PCDHGB4: variants seen among roughly 807,000 people sequenced by gnomAD.
PCDHGB4 encodes protocadherin gamma-B4.
In PCDHGB4, 38 loss-of-function variants were observed where a neutral mutation model predicts 60.5. The ratio of observed to expected loss-of-function variants is 0.63; its 90% confidence interval spans 0.48 to 0.82. The LOEUF is 0.82. PCDHGB4 is among the 40% of genes least tolerant of loss of function. The pLI is 0.00. For missense variants in PCDHGB4, 1,109 were observed against 1,209.6 expected (o/e 0.92, Z 1.23); for synonymous variants, 456 against 509.7 (o/e 0.89, Z 1.42).
In PCDHGB4 at chr5:141,476,737, G is replaced by A. The variant is rs1420138912; in HGVS notation, c.2398-18070G>A. ...AGCGCGCCCTGGACCGAGAACGGGA[G>A]CCTAGTCTCCAGTTAGTGCTGACGG... is the stretch of plus-strand genomic sequence containing the variant. On this transcript the variant is annotated intron_variant, in intron 1 of 3. Coordinates refer to ENST00000519479, the MANE Select transcript of PCDHGB4 (RefSeq NM_003736.4). This position sits in a 1 kb window ranked among gnomAD's most constrained non-coding sequence, Gnocchi z 7.6. The A allele has an allele frequency of 3.1e-6, 5 of 1,613,982 alleles. No individual in the cohort carries two copies. Among genetic ancestry groups the A allele is most frequent in the Non-Finnish European group, 4.2e-6 (5 of 1,180,038 alleles).
rs2096175268 is a variant in PCDHGB4, at chr5:141,417,870, G to A, written c.2397+27589G>A. On this transcript the variant is annotated intron_variant, in intron 1 of 3. Transcript: ENST00000519479. ...GAACCCGAGCGAACGATGGGAGGGA[G>A]CTGCGCGCAGAGGCGCCGGGCCGGC... 3 of 1,553,910 alleles carry A rather than the reference G, an allele frequency of 1.9e-6. No homozygotes were observed. Among genetic ancestry groups the A allele is most frequent in the Admixed American group, 2.0e-5 (1 of 51,084 alleles).
intron 1 of PCDHGB4, chr5:141,403,336 C>T (rs2094393288): frequency 1.9e-6 from 3 of 1,614,032 alleles, no homozygotes; most frequent in Non-Finnish European, 2.5e-6. Flanking sequence ...ATATTAACGA[C>T]AGCGCCCCAA....
In PCDHGB4 at chr5:141,432,143, C is replaced by G; in HGVS notation, c.2397+41862C>G. 2 of 1,614,084 alleles carry G rather than the reference C, an allele frequency of 1.2e-6. No homozygotes were observed. Among genetic ancestry groups the G allele is most frequent in the Non-Finnish European group, 1.7e-6 (2 of 1,180,006 alleles). Reference sequence around the variant, plus strand: ...TCAGGCCTCCTATTCCGCTTATATCCCAGAGAACAATCCCAGAGGAGTTTC... The same window carrying G: ...TCAGGCCTCCTATTCCGCTTATATCGCAGAGAACAATCCCAGAGGAGTTTC... On this transcript the variant is annotated intron_variant, in intron 1 of 3. Coordinates refer to ENST00000519479, the MANE Select transcript of PCDHGB4 (RefSeq NM_003736.4). This position sits in a 1 kb window ranked among gnomAD's most constrained non-coding sequence, Gnocchi z 6.0.
intron 1 of PCDHGB4, chr5:141,479,290 T>C (rs1045200175): frequency 1.3e-5 from 2 of 152,438 alleles, no homozygotes; most frequent in Non-Finnish European, 2.9e-5. Flanking sequence ...AAAATAAATC[T>C]AGGCAACCCA....
intron 1 of PCDHGB4, chr5:141,416,047 A>T (rs2095986655): frequency 1.6e-5 from 3 of 187,858 alleles, no homozygotes; most frequent in Non-Finnish European, 3.2e-5. Context: ...TGGAAACACA[A>T]CCCAAATCCA....
In PCDHGB4 at chr5:141,476,089, C is replaced by A; in HGVS notation, c.2398-18718C>A. 1 of 1,560,716 alleles carries A rather than the reference C, an allele frequency of 6.4e-7. No individual in the cohort carries two copies. The highest frequency in any genetic ancestry group is 8.6e-7 in the Non-Finnish European group (1 of 1,158,372). On this transcript the variant is annotated intron_variant, in intron 1 of 3. Coordinates refer to ENST00000519479, the MANE Select transcript of PCDHGB4 (RefSeq NM_003736.4). This position sits in a 1 kb window ranked among gnomAD's most constrained non-coding sequence, Gnocchi z 7.6. ...CGAAATCTCAGGGACGATCTGGACC[C>A]CGCTGAGAGGAACTGCTTTTGAGTG...
At position 141,487,425 on chromosome 5, in the gene PCDHGB4, G is replaced by A. The variant is rs116499036; in HGVS notation, c.2398-7382G>A. ...CTTCCCCCTTCCAATGGGATCCTCCGAATCCAGCTAGGGTCAGATGACCCT... is the reference window on the plus strand; with the variant it reads ...CTTCCCCCTTCCAATGGGATCCTCCAAATCCAGCTAGGGTCAGATGACCCT... On this transcript the variant is annotated intron_variant, in intron 1 of 3. Coordinates refer to ENST00000519479, the MANE Select transcript of PCDHGB4 (RefSeq NM_003736.4). This position sits in a 1 kb window ranked among gnomAD's most constrained non-coding sequence, Gnocchi z 5.0. The A allele has an allele frequency of 1.1e-5, 17 of 1,613,988 alleles. No individual in the cohort carries two copies. The highest frequency in any genetic ancestry group is 1.6e-4 in the Middle Eastern group (1 of 6,084).
intron 1 of PCDHGB4, among the ~76,000 whole-genome samples, chr5:141,471,992 C>T (rs2099268578): frequency 6.6e-6 from 1 of 152,070 alleles, no homozygotes; most frequent in Non-Finnish European, 1.5e-5. Flanking sequence ...TATTAAAAAT[C>T]CCTGCATCGT....
intron 1 of PCDHGB4, among the ~76,000 whole-genome samples, chr5:141,468,979 C>T (rs1394344696): frequency 6.7e-6 from 1 of 149,482 alleles, no homozygotes; most frequent in African/African-American, 2.5e-5. Flanking sequence ...CTTTTGACTT[C>T]CAAAATTATT....
intron 1 of PCDHGB4, among the ~76,000 whole-genome samples, chr5:141,462,105 G>A (rs2099031983): frequency 6.6e-6 from 1 of 152,170 alleles, no homozygotes; most frequent in South Asian, 2.1e-4. Flanking sequence ...TTACAGGCAT[G>A]AGCCACTGCA....
At chr5:141,492,954 A>G (rs2099745299) in intron 1 of PCDHGB4, among the ~76,000 whole-genome samples, 1 of 152,212 alleles carries the variant, frequency 6.6e-6, no homozygotes, top group Non-Finnish European at 1.5e-5. Context: ...TGACCAAACT[A>G]TCTGACACTC....
intron 1 of PCDHGB4, chr5:141,398,470 A>G: frequency 6.2e-7 from 1 of 1,604,828 alleles, no homozygotes; most frequent in Non-Finnish European, 8.5e-7. Flanking sequence ...AAATCCACTG[A>G]ACTTTTATCA....
intron 1 of PCDHGB4, among the ~76,000 whole-genome samples, chr5:141,437,716 C>T (rs575174227): frequency 1.2e-4 from 18 of 151,782 alleles, no homozygotes; most frequent in Admixed American, 1.0e-3. Flanking sequence ...CACAGTTACC[C>T]TCTAATGTTA....
intron 1 of PCDHGB4, chr5:141,394,893 G>T: frequency 4.3e-6 from 7 of 1,613,858 alleles, no homozygotes; most frequent in Non-Finnish European, 5.9e-6. Flanking sequence ...ACTCTATCTC[G>T]TGGTGGCAGT....
rs539901154 is a variant in PCDHGB4, at chr5:141,413,036, T to C, written c.2397+22755T>C. 238 of 805,778 alleles carry C rather than the reference T, an allele frequency of 3.0e-4. 1 individual carries two copies. Among genetic ancestry groups the C allele is most frequent in the Non-Finnish European group, 4.2e-4 (226 of 532,568 alleles). 49.9% of individuals were successfully genotyped at this position (805,778 alleles called of 1,614,324 possible). On this transcript the variant is annotated intron_variant, in intron 1 of 3. Transcript: ENST00000519479. ...TACACAAGCCCCACAAACCGGCTGC[T>C]GGGCTGCAGGGAAGCTCACTCCAGA...
Position 141,494,869 on chromosome 5 carries a change from G to A in PCDHGB4, c.2456+4G>A. 6.2e-7 allele frequency: 1 copy of A among 1,614,144 alleles called. No individual in the cohort carries two copies. Among genetic ancestry groups the A allele is most frequent in the Non-Finnish European group, 8.5e-7 (1 of 1,180,010 alleles). On this transcript the variant is annotated splice_donor_region_variant and intron_variant, in intron 2 of 3. Coordinates refer to ENST00000519479, the MANE Select transcript of PCDHGB4 (RefSeq NM_003736.4). The stretch of plus-strand genomic sequence containing the variant: ...CCCAGAGACCCGGCACCAGCGGGTA[G>A]GTGACTGATTCTCCAGCCCACCCTC...
At chr5:141,408,947 ATTAGTC>A in intron 1 of PCDHGB4, 6 of 1,613,666 alleles carry the variant, frequency 3.7e-6, no homozygotes, top group Non-Finnish European at 5.1e-6. Context: ...CGAATATAGA[ATTAGTC>A]TTAGTGAAAA....
intron 1 of PCDHGB4, among the ~76,000 whole-genome samples, chr5:141,454,881 C>G (rs2098805859): frequency 7.4e-6 from 1 of 135,536 alleles, no homozygotes; most frequent in African/African-American, 2.8e-5. Flanking sequence ...GATCTTGGCT[C>G]ACTGCTAGCA....
intron 1 of PCDHGB4, chr5:141,403,047 G>T: frequency 6.2e-7 from 1 of 1,614,062 alleles, no homozygotes; most frequent in Non-Finnish European, 8.5e-7. Flanking sequence ...AGTCAGATTC[G>T]CTACTCAGTG....
Sources: allele counts gnomAD v4.1 joint callset (sites outside exome capture counted in the v4.1 genomes callset), GRCh38; gene constraint gnomAD v4.1.1; non-coding constraint Gnocchi (gnomAD v3.1); transcripts MANE v1.5; gene names NCBI Gene and HGNC (gene_info 2026-07-23, HGNC 2026-07-21).